The following RANBP2 variants were observed in gnomAD, a reference collection of about 807,000 sequenced individuals.
The protein encoded by RANBP2 is RAN binding protein 2.
RANBP2 carries 57 observed loss-of-function variants against 303.6 expected under a neutral mutation model. That is an observed-to-expected ratio of 0.19 (90% CI 0.15 to 0.23). The LOEUF is 0.23. Ranked by LOEUF, RANBP2 falls within the 10% of genes least tolerant of loss-of-function variation. RANBP2 has a pLI of 1.00. For synonymous variants in RANBP2, 1,167 were observed against 1,301.5 expected, an observed-to-expected ratio of 0.90 and a Z score of 2.23; for missense variants, 3,138 against 3,780.8, an observed-to-expected ratio of 0.83 and a Z score of 4.46.
the RANBP2 span, among the ~76,000 whole-genome samples, chr2:109,025,935 C>A: frequency 5.9e-5 from 9 of 152,206 alleles, no homozygotes; most frequent in East Asian, 1.7e-3. Context: ...TGGCCTGGGA[C>A]AGTCCCAGCT....
the RANBP2 span, among the ~76,000 whole-genome samples, chr2:109,191,334 T>C: frequency 6.6e-6 from 1 of 152,202 alleles, no homozygotes; most frequent in African/African-American, 2.4e-5. Flanking sequence ...AGGAGCTCCG[T>C]GAGGACCCTG....
downstream of RANBP2, among the ~76,000 whole-genome samples, chr2:108,787,549 GAGTTCATAAGAAA>G (rs1679095217): frequency 1.3e-5 from 2 of 152,256 alleles, no homozygotes; most frequent in East Asian, 3.9e-4. Context: ...TGGTAATCTA[GAGTTCATAAGAAA>G]TTTCAGCAAT....
chr2:109,479,403 T>C, the RANBP2 span, among the ~76,000 whole-genome samples: 1 of 152,206 alleles, frequency 6.6e-6, no homozygotes, highest in Non-Finnish European at 1.5e-5. Context: ...CACTTTTAGC[T>C]CTGTGACCTA....
the RANBP2 span, among the ~76,000 whole-genome samples, chr2:109,460,579 G>C: frequency 6.6e-6 from 1 of 152,222 alleles, no homozygotes; most frequent in Non-Finnish European, 1.5e-5. Context: ...GTGCTCCACA[G>C]AATCCCATCT....
the RANBP2 span, among the ~76,000 whole-genome samples, chr2:109,644,106 G>A: frequency 1.7e-4 from 26 of 149,322 alleles, no homozygotes; most frequent in Admixed American, 2.7e-4. Context: ...GGGCGACAGA[G>A]TGAGACTCTG....
At chr2:109,230,170 T>C in the RANBP2 span, among the ~76,000 whole-genome samples, 149 of 152,232 alleles carry the variant, frequency 9.8e-4, no homozygotes, top group Non-Finnish European at 1.6e-3. Flanking sequence ...GTCGTATGGA[T>C]ATACTATATA....
chr2:108,945,406 C>T, the RANBP2 span, among the ~76,000 whole-genome samples: 2 of 152,130 alleles, frequency 1.3e-5, no homozygotes, highest in Non-Finnish European at 2.9e-5. Flanking sequence ...CTAGAGTATG[C>T]TGGTACTAAA....
At chr2:108,985,510 G>A in the RANBP2 span, among the ~76,000 whole-genome samples, 2 of 152,166 alleles carry the variant, frequency 1.3e-5, no homozygotes, top group South Asian at 4.1e-4. Context: ...CTGTTTTCTC[G>A]GAAATGGAAA....
At chr2:109,251,030 C>T in the RANBP2 span, among the ~76,000 whole-genome samples, 2 of 151,146 alleles carry the variant, frequency 1.3e-5, no homozygotes, top group Non-Finnish European at 2.9e-5. Flanking sequence ...GAGATTGAGT[C>T]TCACTCTGTC....
chr2:108,956,696 A>G, the RANBP2 span, among the ~76,000 whole-genome samples: 2 of 152,214 alleles, frequency 1.3e-5, no homozygotes, highest in Admixed American at 6.5e-5. Flanking sequence ...TATTTGGGTT[A>G]TGATTCATTT....
At chr2:109,565,945 A>T in the RANBP2 span, 1 of 1,197,082 alleles carries the variant, frequency 8.4e-7, no homozygotes, top group Non-Finnish European at 1.2e-6. Context: ...AGAAGAGAAT[A>T]ATTAAATAAC....
chr2:109,737,480 T>A, the RANBP2 span: 1 of 610,684 alleles, frequency 1.6e-6, no homozygotes, highest in Non-Finnish European at 2.9e-6. Flanking sequence ...ACCTGCTTTT[T>A]TTTTTGCCCG....
At chr2:109,230,489 A>C in the RANBP2 span, among the ~76,000 whole-genome samples, 1 of 152,168 alleles carries the variant, frequency 6.6e-6, no homozygotes, top group Non-Finnish European at 1.5e-5. Context: ...CTGAGGCAGG[A>C]GAATTGCTTG....
chr2:109,234,356 T>C, the RANBP2 span, among the ~76,000 whole-genome samples: 4 of 152,222 alleles, frequency 2.6e-5, no homozygotes, highest in African/African-American at 9.6e-5. Context: ...GGATTCTTAG[T>C]GCCTAAAACA....
At chr2:109,738,929 G>A in the RANBP2 span, among the ~76,000 whole-genome samples, 66 of 151,476 alleles carry the variant, frequency 4.4e-4, 1 homozygote, top group Non-Finnish European at 8.5e-4. Flanking sequence ...TTTAATTTTT[G>A]TTTAAGGTGA....
At chr2:109,278,370 C>T in the RANBP2 span, among the ~76,000 whole-genome samples, 2 of 152,172 alleles carry the variant, frequency 1.3e-5, no homozygotes, top group African/African-American at 4.8e-5. Flanking sequence ...TGGGGCTTGC[C>T]AGTCTGCAGT....
the RANBP2 span, chr2:109,544,375 TAAAAA>T: frequency 6.4e-7 from 1 of 1,551,122 alleles, no homozygotes; most frequent in Non-Finnish European, 8.6e-7. Context: ...AAAATTCAAG[TAAAAA>T]TTAGCAAACA....
Position 108,766,729 on chromosome 2 carries a change from A to G in RANBP2, c.6190A>G (p.Lys2064Glu). ...GGGCTTGGGGAACTTAAAAATTCTC[A>G]AAAACGAGGTCAATGGCAAACTAAG... ...ERGLGNLKIL[K>E]NEVNGKLRML... Residue 2064 changes from lysine (K) to glutamate (E), a missense_variant, in exon 20 of 29, where the codon AAA (lysine) becomes GAA (glutamate). Lys to Glu is a moderately conservative substitution (Grantham distance 56). Transcript: ENST00000283195. The G allele has an allele frequency of 1.2e-6, 2 of 1,612,018 alleles. No homozygotes were observed. Among genetic ancestry groups the G allele is most frequent in the East Asian group, 2.2e-5 (1 of 44,886 alleles).
At chr2:108,881,550 C>T in the RANBP2 span, among the ~76,000 whole-genome samples, 1 of 152,322 alleles carries the variant, frequency 6.6e-6, no homozygotes, top group East Asian at 1.9e-4. Flanking sequence ...CACAAGAGGC[C>T]TAGCTTTCAG....
Sources: gnomAD v4.1 joint callset for allele counts (sites outside exome capture counted in the v4.1 genomes callset) on GRCh38, gnomAD v4.1.1 for gene constraint, MANE v1.5 for transcripts, NCBI Gene and HGNC (gene_info 2026-07-23, HGNC 2026-07-21) for gene names.